The following PTPRD variants were observed in gnomAD, a reference collection of about 807,000 sequenced individuals.
PTPRD encodes the protein protein tyrosine phosphatase receptor type D.
PTPRD carries 34 observed loss-of-function variants against 214.5 expected under a neutral mutation model. The observed-to-expected ratio is 0.16, with a 90% CI of 0.12 to 0.21. The LOEUF (loss-of-function observed/expected upper bound fraction) is 0.21. Ranked by LOEUF, PTPRD falls within the 10% of genes least tolerant of loss-of-function variation. PTPRD has a pLI of 1.00. For synonymous variants in PTPRD, 1,128 were observed against 845.7 expected (o/e 1.33, Z -5.79); for missense variants, 2,545 against 2,398.7 (o/e 1.06, Z -1.27).
intron 3 of PTPRD, among the ~76,000 whole-genome samples, chr9:10,164,539 C>G (rs908658040): frequency 1.4e-4 from 21 of 151,448 alleles, no homozygotes; most frequent in Non-Finnish European, 3.0e-5. Context: ...CTCTAGGACA[C>G]TAACTTCATA....
chr9:10,049,125 T>C (rs1025476005), intron 3 of PTPRD, among the ~76,000 whole-genome samples: 1 of 152,060 alleles, frequency 6.6e-6, no homozygotes, highest in African/African-American at 2.4e-5. Flanking sequence ...AAAGCAGTGA[T>C]GTCAATTGGC....
At chr9:9,751,322 CCAA>C (rs1305822657) in intron 6 of PTPRD, among the ~76,000 whole-genome samples, 11 of 152,032 alleles carry the variant, frequency 7.2e-5, no homozygotes, top group African/African-American at 2.7e-4. Flanking sequence ...AGAATTAACT[CCAA>C]CAAGTGGATA....
chr9:9,473,591 C>G (rs1427237179), intron 8 of PTPRD, among the ~76,000 whole-genome samples: 4 of 152,160 alleles, frequency 2.6e-5, no homozygotes, highest in Non-Finnish European at 5.9e-5. Flanking sequence ...TACATTCCCA[C>G]TAACAGTGTG....
At chr9:10,290,929 A>G (rs185141616) in intron 3 of PTPRD, among the ~76,000 whole-genome samples, 13 of 152,276 alleles carry the variant, frequency 8.5e-5, no homozygotes. Context: ...ATGCTAGGCT[A>G]AAGCTAGAGA....
chr9:10,402,323 T>G (rs2098282456), intron 2 of PTPRD, among the ~76,000 whole-genome samples: 1 of 151,750 alleles, frequency 6.6e-6, no homozygotes, highest in South Asian at 2.1e-4. Context: ...CTCTCTGGGA[T>G]TCTGAAGGGA....
At chr9:10,597,719 T>G (rs1246739016) in intron 2 of PTPRD, among the ~76,000 whole-genome samples, 1 of 151,818 alleles carries the variant, frequency 6.6e-6, no homozygotes, top group Non-Finnish European at 1.5e-5. Context: ...CGGCTGTAAT[T>G]AGAAAAATTA....
chr9:8,634,954 C>T (rs1348910308), intron 13 of PTPRD, among the ~76,000 whole-genome samples: 8 of 151,242 alleles, frequency 5.3e-5, no homozygotes. Context: ...AGACACCATA[C>T]TTAGCACTGG....
intron 10 of PTPRD, among the ~76,000 whole-genome samples, chr9:9,173,292 C>T (rs1395738269): frequency 6.6e-6 from 1 of 152,140 alleles, no homozygotes; most frequent in East Asian, 1.9e-4. Flanking sequence ...TTTATCTTGT[C>T]CTAATAGTGC....
At chr9:8,397,074 G>A (rs762562208) in intron 36 of PTPRD, among the ~76,000 whole-genome samples, 16 of 152,160 alleles carry the variant, frequency 1.1e-4, no homozygotes, top group Non-Finnish European at 2.2e-4. Context: ...TCTGAAGAGT[G>A]TGAGAAAAAT....
chr9:10,165,028 T>C (rs1475738067), intron 3 of PTPRD, among the ~76,000 whole-genome samples: 2 of 151,700 alleles, frequency 1.3e-5, no homozygotes, highest in Non-Finnish European at 3.0e-5. Context: ...TTTGATGGCC[T>C]GAATCACATG....
At chr9:8,569,309 T>C (rs1564414592) in intron 14 of PTPRD, among the ~76,000 whole-genome samples, 1 of 152,160 alleles carries the variant, frequency 6.6e-6, no homozygotes. Flanking sequence ...TATCCAATGT[T>C]ACCCAAATCA....
rs549085486 is a variant in PTPRD, at chr9:8,675,003, AT to A, written c.65-38160del. Among the ~76,000 whole-genome samples the A allele has an allele frequency of 4.9e-3, 748 of 151,538 alleles. 7 individuals carry two copies. Among genetic ancestry groups the A allele is most frequent in the African/African-American group, 0.018 (724 of 41,272 alleles). ...ATTACAAAAGAAATAACCAGGGTATATTTTTTTTTCCTTTTAAGTTTTCTCT... is the reference window on the plus strand; with the variant it reads ...ATTACAAAAGAAATAACCAGGGTATATTTTTTTTCCTTTTAAGTTTTCTCT... On this transcript the variant is annotated intron_variant, in intron 12 of 45. Transcript: ENST00000381196.
intron 14 of PTPRD, among the ~76,000 whole-genome samples, chr9:8,564,968 G>A (rs563116017): frequency 1.4e-4 from 22 of 152,262 alleles, no homozygotes; most frequent in Non-Finnish European, 2.6e-4. Context: ...CCACTGGTTG[G>A]ATAAAAATCC....
At chr9:9,897,372 T>A (rs187240455) in intron 5 of PTPRD, among the ~76,000 whole-genome samples, 12 of 152,126 alleles carry the variant, frequency 7.9e-5, no homozygotes, top group Admixed American at 5.2e-4. Context: ...CACCAAGAGT[T>A]TTTAAAAGAA....
At chr9:8,332,096 A>C (rs968607786) in intron 43 of PTPRD, among the ~76,000 whole-genome samples, 5 of 108,614 alleles carry the variant, frequency 4.6e-5, no homozygotes. Flanking sequence ...ATTCCTTCCA[A>C]AATGGAACAT....
intron 8 of PTPRD, among the ~76,000 whole-genome samples, chr9:9,518,268 G>C (rs1268174197): frequency 1.3e-5 from 2 of 152,042 alleles, no homozygotes; most frequent in African/African-American, 2.4e-5. Context: ...ATGTTAACAA[G>C]CATAAACTTT....
intron 8 of PTPRD, among the ~76,000 whole-genome samples, chr9:9,403,413 C>CTCTTTCTT (rs1257075968): frequency 9.7e-5 from 3 of 30,850 alleles, no homozygotes; most frequent in Non-Finnish European, 2.0e-4. Context: ...TATATTTTCT[C>CTCTTTCTT]TCTCTCTTTC....
At chr9:8,871,698 A>C (rs1022114661) in intron 11 of PTPRD, among the ~76,000 whole-genome samples, 2 of 152,172 alleles carry the variant, frequency 1.3e-5, no homozygotes, top group Non-Finnish European at 2.9e-5. Context: ...ATAAGAGTGA[A>C]AACTTTACCA....
At chr9:10,503,483 A>G (rs2044605785) in intron 2 of PTPRD, among the ~76,000 whole-genome samples, 1 of 152,084 alleles carries the variant, frequency 6.6e-6, no homozygotes, top group Non-Finnish European at 1.5e-5. Context: ...AATAGTACCT[A>G]AAGGGATTTA....
Sources: allele counts gnomAD v4.1 joint callset (sites outside exome capture counted in the v4.1 genomes callset), GRCh38; gene constraint gnomAD v4.1.1; transcripts MANE v1.5; gene names NCBI Gene and HGNC (gene_info 2026-07-23, HGNC 2026-07-21).